The following SEMA6D variants were observed in gnomAD, a reference collection of about 807,000 sequenced individuals.
The protein encoded by SEMA6D is semaphorin 6D.
Under a neutral mutation model 106.6 loss-of-function variants are expected in SEMA6D, and 35 were observed. The ratio of observed to expected loss-of-function variants is 0.33; its 90% CI spans 0.25 to 0.44. SEMA6D has a LOEUF of 0.44. SEMA6D is among the 20% of genes least tolerant of loss of function. The probability of loss-of-function intolerance (pLI) is 1.00; values close to 1 mark genes in which losing one functional copy is unlikely to be tolerated. For synonymous variants in SEMA6D, 499 were observed against 487.7 expected (o/e 1.02, Z -0.31); for missense variants, 1,185 against 1,345.9 (o/e 0.88, Z 1.87).
chr15:47,456,982 G>C (rs1237784647), intron 2 of SEMA6D, among the ~76,000 whole-genome samples: 1 of 151,978 alleles, frequency 6.6e-6, no homozygotes, highest in African/African-American at 2.4e-5. Context: ...CACATCTTGA[G>C]AAAGAACCAA....
chr15:47,237,552 G>C (rs570154349), intron 1 of SEMA6D, among the ~76,000 whole-genome samples: 1 of 152,000 alleles, frequency 6.6e-6, no homozygotes, highest in African/African-American at 2.4e-5. Context: ...CCTCTAACTC[G>C]GTGGCCTTAG....
intron 3 of SEMA6D, among the ~76,000 whole-genome samples, chr15:47,572,588 T>C (rs1041187511): frequency 1.3e-4 from 20 of 152,282 alleles, no homozygotes; most frequent in Non-Finnish European, 5.9e-5. Context: ...GGGGTCAGCC[T>C]TCAGAAACAG....
chr15:47,561,205 A>G (rs1488596424), intron 3 of SEMA6D, among the ~76,000 whole-genome samples: 5 of 152,048 alleles, frequency 3.3e-5, no homozygotes, highest in South Asian at 2.1e-4. Context: ...CAGGCGGTTT[A>G]TGGCCAAAGA....
chr15:47,490,256 T>C (rs879838262), intron 3 of SEMA6D, among the ~76,000 whole-genome samples: 3 of 152,214 alleles, frequency 2.0e-5, no homozygotes, highest in Non-Finnish European at 4.4e-5. Context: ...TCAGTATGTA[T>C]TTAACTTATT....
chr15:47,225,787 C>T (rs2031612602), intron 1 of SEMA6D, among the ~76,000 whole-genome samples: 1 of 151,988 alleles, frequency 6.6e-6, no homozygotes, highest in Non-Finnish European at 1.5e-5. Flanking sequence ...ACCATGGCCT[C>T]CCAAAGTGCT....
chr15:47,605,585 G>T (rs141021511), intron 4 of SEMA6D, among the ~76,000 whole-genome samples: 27 of 152,062 alleles, frequency 1.8e-4, no homozygotes, highest in African/African-American at 6.5e-4. Context: ...ACCTTTCAGA[G>T]AACAGCACCT....
At position 47,506,602 on chromosome 15, in the gene SEMA6D, A is replaced by ACACACACACACT. The variant is rs1304546116; in HGVS notation, c.-87+36068_-87+36069insTCACACACACAC. 1.8e-3 allele frequency among the ~76,000 whole-genome samples: 253 copies of ACACACACACACT among 140,294 alleles called. 2 individuals carry two copies. The highest frequency in any genetic ancestry group is 7.0e-3 in the African/African-American group (244 of 34,892). 92.0% of individuals were successfully genotyped at this position (140,294 alleles called of 152,430 possible). A position where few individuals can be genotyped will look rare whatever the true frequency, so the allele number is the denominator to read the frequency against. On this transcript the variant is annotated intron_variant, in intron 3 of 19. Coordinates refer to the SEMA6D transcript ENST00000558014. The stretch of plus-strand genomic sequence containing the variant: ...CATGGGCATTTACACACACACAAAC[A>ACACACACACACT]CACACACACACACACACACACACAC...
chr15:47,733,087 A>G (rs1038719784), intron 1 of SEMA6D, among the ~76,000 whole-genome samples: 3 of 152,244 alleles, frequency 2.0e-5, no homozygotes, highest in Admixed American at 6.5e-5. Flanking sequence ...TCCTACTTCA[A>G]AAAGCTCATT....
intron 1 of SEMA6D, among the ~76,000 whole-genome samples, chr15:47,268,602 C>T (rs562446500): frequency 3.9e-5 from 6 of 152,138 alleles, no homozygotes; most frequent in Non-Finnish European, 8.8e-5. Flanking sequence ...GTATGTTGTC[C>T]TTGGAAATGG....
At chr15:47,337,306 ATAAAAACGGTT>A in intron 1 of SEMA6D, among the ~76,000 whole-genome samples, 1 of 152,302 alleles carries the variant, frequency 6.6e-6, no homozygotes, top group Non-Finnish European at 1.5e-5. Context: ...CAAAATGCCA[ATAAAAACGGTT>A]TTGTTTATCA....
At chr15:47,234,983 C>G (rs915923779) in intron 1 of SEMA6D, among the ~76,000 whole-genome samples, 12 of 151,968 alleles carry the variant, frequency 7.9e-5, no homozygotes, top group Non-Finnish European at 1.5e-4. Context: ...TAAGTGTTCC[C>G]TTTTCACCAC....
At chr15:47,692,282 C>T (rs1217616656) in intron 4 of SEMA6D, among the ~76,000 whole-genome samples, 1 of 152,088 alleles carries the variant, frequency 6.6e-6, no homozygotes, top group Non-Finnish European at 1.5e-5. Context: ...CAGCCCATAC[C>T]TTAATTCCGC....
intron 1 of SEMA6D, among the ~76,000 whole-genome samples, chr15:47,743,733 G>A (rs530491427): frequency 5.3e-5 from 8 of 152,250 alleles, no homozygotes; most frequent in Admixed American, 4.6e-4. Flanking sequence ...AGGCAGAAAG[G>A]TGGAGAAAGC....
intron 2 of SEMA6D, among the ~76,000 whole-genome samples, chr15:47,446,537 T>C (rs1475667544): frequency 6.6e-6 from 1 of 152,168 alleles, no homozygotes; most frequent in Non-Finnish European, 1.5e-5. Flanking sequence ...GTTTAAACTC[T>C]GGTGATCACT....
intron 1 of SEMA6D, among the ~76,000 whole-genome samples, chr15:47,203,909 A>G (rs932190864): frequency 6.6e-6 from 1 of 152,234 alleles, no homozygotes; most frequent in Non-Finnish European, 1.5e-5. Flanking sequence ...ATGTTTACAT[A>G]GAAGTTAATT....
intron 1 of SEMA6D, among the ~76,000 whole-genome samples, chr15:47,282,944 T>C (rs62015689): frequency 0.017 from 2,608 of 152,266 alleles, 47 homozygotes; most frequent in African/African-American, 0.02. Context: ...GCCCCCTCTC[T>C]CCTGCCAGCC....
intron 4 of SEMA6D, among the ~76,000 whole-genome samples, chr15:47,694,102 G>A (rs2078649524): frequency 6.6e-6 from 1 of 152,076 alleles, no homozygotes; most frequent in Non-Finnish European, 1.5e-5. Flanking sequence ...GAGTCAACTG[G>A]GAACTTGTTA....
chr15:47,320,604 CAT>C (rs1306367805), intron 1 of SEMA6D, among the ~76,000 whole-genome samples: 2 of 152,198 alleles, frequency 1.3e-5, no homozygotes, highest in Non-Finnish European at 2.9e-5. Context: ...CAGATGTCCA[CAT>C]GTTTTGTAAC....
At chr15:47,631,907 T>C (rs2077299723) in intron 4 of SEMA6D, among the ~76,000 whole-genome samples, 1 of 152,062 alleles carries the variant, frequency 6.6e-6, no homozygotes, top group Non-Finnish European at 1.5e-5. Flanking sequence ...ATTTCTAATG[T>C]AAGCATTTAG....
Sources: allele counts gnomAD v4.1 joint callset (sites outside exome capture counted in the v4.1 genomes callset), GRCh38; gene constraint gnomAD v4.1.1; transcripts MANE v1.5; gene names NCBI Gene and HGNC (gene_info 2026-07-23, HGNC 2026-07-21).